ZNF814: variants seen among roughly 807,000 people sequenced by gnomAD.
ZNF814 encodes the protein zinc finger protein 814.
A neutral mutation model predicts 7.5 loss-of-function variants in ZNF814; 5 were observed. The ratio of observed to expected loss-of-function variants is 0.67; its 90% CI spans 0.35 to 1.40. ZNF814 has a LOEUF of 1.40. Among genes scored for constraint, ZNF814 ranks in the 40% most tolerant of loss-of-function variants. The pLI, the probability that ZNF814 is intolerant of heterozygous loss-of-function variation, is 0.04. For missense variants in ZNF814, 962 were observed against 1,018.0 expected, an observed-to-expected ratio of 0.94 and a Z score of 0.75; for synonymous variants, 315 against 340.7, an observed-to-expected ratio of 0.92 and a Z score of 0.83.
At chr19:57,878,055 A>G (rs1382946309) in intron 1 of ZNF814, among the ~76,000 whole-genome samples, 1 of 151,136 alleles carries the variant, frequency 6.6e-6, no homozygotes, top group Non-Finnish European at 1.5e-5. Context: ...GATCCCAGCT[A>G]CTTGGGAGGC....
upstream of ZNF814, among the ~76,000 whole-genome samples, chr19:57,891,520 G>A (rs2071734220): frequency 7.5e-6 from 1 of 134,046 alleles, no homozygotes; most frequent in South Asian, 2.4e-4. Flanking sequence ...GTGAGACTCC[G>A]CCTCAAAAAA....
chr19:57,870,108 C>CGGGCACCTGTAGTCCCAGCTACTT lies in ZNF814; in HGVS notation c.*2690_*2713dup, dbSNP rs2071544676. ...ACAAAAAATTAGCTGGGTATGGTGG[C>CGGGCACCTGTAGTCCCAGCTACTT]GGGCACCTGTAGTCCCAGCTACTTG... On this transcript the variant is annotated 3_prime_UTR_variant, in exon 3 of 3. Coordinates refer to ENST00000435989, the MANE Select transcript of ZNF814 (RefSeq NM_001144989.2). The CGGGCACCTGTAGTCCCAGCTACTT allele has an allele frequency of 1.3e-5, 2 of 151,948 alleles. No homozygotes were observed. Among genetic ancestry groups the CGGGCACCTGTAGTCCCAGCTACTT allele is most frequent in the African/African-American group, 4.8e-5 (2 of 41,356 alleles). The allele number at this position is 151,948 out of a possible 1,614,324, so 9.4% of individuals were successfully genotyped here.
intron 1 of ZNF814, among the ~76,000 whole-genome samples, chr19:57,878,328 C>G (rs1485542461): frequency 1.3e-5 from 2 of 151,970 alleles, no homozygotes; most frequent in Non-Finnish European, 2.9e-5. Context: ...TGGCCTGATT[C>G]CCTCAGGAGG....
intron 1 of ZNF814, among the ~76,000 whole-genome samples, chr19:57,887,330 TCTG>T (rs2071701194): frequency 6.6e-6 from 1 of 152,230 alleles, no homozygotes; most frequent in South Asian, 2.1e-4. Context: ...AAACTCAGCA[TCTG>T]CTGCCTAAGG....
chr19:57,888,778 G>C lies in ZNF814; in HGVS notation c.25C>G (p.Leu9Val). 6.4e-7 allele frequency: 1 copy of C among 1,552,710 alleles called. No individual in the cohort carries two copies. Among genetic ancestry groups the C allele is most frequent in the South Asian group, 1.2e-5 (1 of 84,096 alleles). ...GGCCCCACAATTACCTGAGCGGAGA[G>C]CCTCAGCGTAGCCGCGGCAGCCATC... is the stretch of plus-strand genomic sequence containing the variant. MAAAATLR[L>V]SAQGTVTFED... Residue 9 changes from leucine (L) to valine (V), a missense_variant, in exon 1 of 3, where the codon CTC becomes GTC. By Grantham distance (32) the Leu-to-Val change is conservative. Around this residue, in one of 7 missense-constraint regions of ZNF814, gnomAD observed 63 missense variants for 65.0 expected, o/e 0.97. Coordinates refer to ENST00000435989, the MANE Select transcript of ZNF814 (RefSeq NM_001144989.2).
chr19:57,877,879 A>G (rs140869565), intron 1 of ZNF814, among the ~76,000 whole-genome samples: 12 of 152,306 alleles, frequency 7.9e-5, no homozygotes, highest in Non-Finnish European at 1.6e-4. Context: ...AATCAATTGT[A>G]TTGAGCCAGG....
the ZNF814 span, among the ~76,000 whole-genome samples, chr19:57,899,485 G>A: frequency 1.3e-5 from 2 of 152,178 alleles, no homozygotes; most frequent in East Asian, 3.9e-4. Flanking sequence ...AATTCAAAGA[G>A]ATAATTTAAA....
At chr19:57,885,277 G>A (rs190732677) in intron 1 of ZNF814, among the ~76,000 whole-genome samples, 89 of 149,816 alleles carry the variant, frequency 5.9e-4, no homozygotes, top group Admixed American at 1.0e-3. Context: ...AGCCATGATC[G>A]CACCACTGCA....
At chr19:57,892,640 T>C (rs1207871908), upstream of ZNF814, among the ~76,000 whole-genome samples, 2 of 152,166 alleles carry the variant, frequency 1.3e-5, no homozygotes, top group African/African-American at 4.8e-5. Context: ...GGGGAGCTTT[T>C]TCCTCCCCAA....
intron 1 of ZNF814, among the ~76,000 whole-genome samples, chr19:57,888,507 T>A (rs1156318752): frequency 3.3e-5 from 5 of 152,156 alleles, no homozygotes; most frequent in Non-Finnish European, 4.4e-5. Context: ...CGCCTCATAA[T>A]TTGCTCCCAA....
At position 57,872,775 on chromosome 19, in the gene ZNF814, CA is replaced by C; in HGVS notation, c.*46del. 1.2e-6 allele frequency: 2 copies of C among 1,605,958 alleles called. No homozygotes were observed. Among genetic ancestry groups the C allele is most frequent in the Non-Finnish European group, 1.7e-6 (2 of 1,175,784 alleles). Reference sequence around the variant, plus strand: ...TCTCCAGTGTGAACTCTCTGGTGTGCAATGAGGTGGTCCTTCTTGCTAAAAA... The same window carrying C: ...TCTCCAGTGTGAACTCTCTGGTGTGCATGAGGTGGTCCTTCTTGCTAAAAA... On this transcript the variant is annotated 3_prime_UTR_variant, in exon 3 of 3. Transcript: ENST00000435989.
At chr19:57,886,711 T>G (rs2122467707) in intron 1 of ZNF814, among the ~76,000 whole-genome samples, 1 of 152,116 alleles carries the variant, frequency 6.6e-6, no homozygotes, top group South Asian at 2.1e-4. Context: ...AAACCCCATC[T>G]CTACTAAAAA....
At position 57,874,011 on chromosome 19, in the gene ZNF814, C is replaced by A. The variant is rs771686296; in HGVS notation, c.1379G>T (p.Gly460Val). The change falls in exon 3 of 3, where the codon GGA (glycine) becomes GTA (valine). Residue 460 changes from glycine (G) to valine (V), a missense_variant. Physicochemically the swap from Gly to Val is moderately radical, Grantham distance 109. Around this residue, in one of 7 missense-constraint regions of ZNF814, gnomAD observed 665 missense variants for 551.4 expected, o/e 1.21. Transcript: ENST00000435989. Reference sequence around the variant, plus strand: ...TTCTCCACACTTGAAAGGTCTTTCTCCGGCGTGAACTCGTTGATGGCTCCT... The same window carrying A: ...TTCTCCACACTTGAAAGGTCTTTCTACGGCGTGAACTCGTTGATGGCTCCT... ...HLRSHQRVHA[G>V]ERPFKCGECV... 1 of 1,613,688 alleles carries A rather than the reference C, an allele frequency of 6.2e-7. No homozygotes were observed. Among genetic ancestry groups the A allele is most frequent in the Non-Finnish European group, 8.5e-7 (1 of 1,179,862 alleles).
At chr19:57,903,828 C>A in the ZNF814 span, among the ~76,000 whole-genome samples, 1 of 152,140 alleles carries the variant, frequency 6.6e-6, no homozygotes, top group Admixed American at 6.5e-5. Flanking sequence ...ATAGCTGTGG[C>A]GGTTTTGCAG....
At chr19:57,900,910 A>G in the ZNF814 span, among the ~76,000 whole-genome samples, 20 of 123,894 alleles carry the variant, frequency 1.6e-4, no homozygotes, top group Non-Finnish European at 2.5e-4. Context: ...TGCAGTGACC[A>G]ATCTCGGTTC....
chr19:57,875,021 C>A lies in ZNF814; in HGVS notation c.369G>T (p.Glu123Asp). The A allele has an allele frequency of 6.2e-7, 1 of 1,609,188 alleles. No homozygotes were observed. Among genetic ancestry groups the A allele is most frequent in the Non-Finnish European group, 8.5e-7 (1 of 1,176,814 alleles). Residue 123 changes from glutamate (E) to aspartate (D), a missense_variant, in exon 3 of 3, where the codon GAG becomes GAT. Physicochemically the swap from Glu to Asp is conservative, Grantham distance 45 (BLOSUM62 2). Around this residue, in one of 7 missense-constraint regions of ZNF814, gnomAD observed 65 missense variants for 131.3 expected, o/e 0.50. Transcript: ENST00000435989. ...THHKQKLHRC[E>D]AWGNKLYDSG... ...TGTCATACAATTTATTCCCCCAGGC[C>A]TCACACCTGTGCAGTTTCTGCTTGT... is the stretch of plus-strand genomic sequence containing the variant.
Position 57,888,889 on chromosome 19 carries a change from G to A in ZNF814, c.-87C>T, listed in dbSNP as rs1423700968. ...CGACGGTCCGTATCCTGGCCCAGGA[G>A]TGGGTCACGCTGGGCGCCGTCACAG... On this transcript the variant is annotated 5_prime_UTR_variant, in exon 1 of 3. Transcript: ENST00000435989. 2.3e-5 allele frequency: 34 copies of A among 1,458,720 alleles called. No individual in the cohort carries two copies. Among genetic ancestry groups the A allele is most frequent in the Non-Finnish European group, 3.2e-5 (34 of 1,065,722 alleles). The allele number at this position is 1,458,720 out of a possible 1,614,324, so 90.4% of individuals were successfully genotyped here.
intron 1 of ZNF814, among the ~76,000 whole-genome samples, chr19:57,888,467 C>A (rs1325390652): frequency 6.6e-6 from 1 of 152,166 alleles, no homozygotes; most frequent in African/African-American, 2.4e-5. Flanking sequence ...TTCATAGCCC[C>A]CAGCCTGCTT....
At chr19:57,889,563 T>C (rs974850196), upstream of ZNF814, among the ~76,000 whole-genome samples, 20 of 151,880 alleles carry the variant, frequency 1.3e-4, no homozygotes, top group Non-Finnish European at 2.9e-5. Context: ...AGACCTCTTA[T>C]CTAAAAAATA....
Sources: gnomAD v4.1 joint callset for allele counts (sites outside exome capture counted in the v4.1 genomes callset) on GRCh38, gnomAD v4.1.1 for gene constraint, gnomAD v4.1.1 regional missense constraint, MANE v1.5 for transcripts, NCBI Gene and HGNC (gene_info 2026-07-23, HGNC 2026-07-21) for gene names.